Variants in ANKRD30BL observed in about 807,000 individuals in gnomAD.
ANKRD30BL encodes putative ankyrin repeat domain-containing protein 30B-like.
ANKRD30BL carries 20 observed loss-of-function variants against 18.4 expected under a neutral mutation model. That is an observed-to-expected ratio of 1.09 (90% CI 0.77 to 1.58). ANKRD30BL has a LOEUF of 1.58. ANKRD30BL is among the 40% of genes most tolerant of loss of function. The probability of loss-of-function intolerance (pLI) is 0.00; values close to 1 mark genes in which losing one functional copy is unlikely to be tolerated. For synonymous variants in ANKRD30BL, 72 were observed against 100.9 expected, an observed-to-expected ratio of 0.71 and a Z score of 1.72; for missense variants, 224 against 268.6, an observed-to-expected ratio of 0.83 and a Z score of 1.16.
At chr2:132,202,533 A>G (rs1485767924) in intron 1 of ANKRD30BL, among the ~76,000 whole-genome samples, 1 of 151,932 alleles carries the variant, frequency 6.6e-6, no homozygotes, top group Non-Finnish European at 1.5e-5. Context: ...CCTGAATCCA[A>G]TTCAAATTTC....
chr2:132,221,172 C>A (rs1679665335), intron 1 of ANKRD30BL, among the ~76,000 whole-genome samples: 2 of 146,098 alleles, frequency 1.4e-5, no homozygotes, highest in Admixed American at 6.6e-5. Flanking sequence ...CCGGCAGCCA[C>A]CCCATCCGCG....
At chr2:132,166,846 T>A (rs1406742296), upstream of ANKRD30BL, among the ~76,000 whole-genome samples, 4 of 152,080 alleles carry the variant, frequency 2.6e-5, no homozygotes, top group East Asian at 7.7e-4. Flanking sequence ...TTATTTACTT[T>A]GGATTTTCTT....
chr2:132,220,229 C>G lies in ANKRD30BL; in HGVS notation n.441+37300G>C, dbSNP rs898708389. Among the ~76,000 whole-genome samples the G allele has an allele frequency of 3.3e-5, 5 of 152,000 alleles. 1 individual carries two copies. The highest frequency in any genetic ancestry group is 3.3e-4 in the Admixed American group (5 of 15,210). Reference sequence around the variant, plus strand: ...TTCTTTGTGTTGTGTGCATTCAACTCACAGTGTTGAACCTTTCTTTTGACA... The same window carrying G: ...TTCTTTGTGTTGTGTGCATTCAACTGACAGTGTTGAACCTTTCTTTTGACA... On this transcript the variant is annotated intron_variant and non_coding_transcript_variant, in intron 1 of 4. Transcript: ENST00000470729.
chr2:132,177,400 C>T (rs1340898674), intron 1 of ANKRD30BL, among the ~76,000 whole-genome samples: 1 of 152,174 alleles, frequency 6.6e-6, no homozygotes, highest in Non-Finnish European at 1.5e-5. Flanking sequence ...TATCTGCCCA[C>T]CTCGGCCTCC....
intron 1 of ANKRD30BL, among the ~76,000 whole-genome samples, chr2:132,168,923 T>G (rs1688232126): frequency 6.6e-6 from 1 of 150,940 alleles, no homozygotes; most frequent in African/African-American, 2.4e-5. Flanking sequence ...TTGTACAGCA[T>G]AATTAATTAT....
chr2:132,236,483 T>C (rs1680154827), intron 1 of ANKRD30BL, among the ~76,000 whole-genome samples: 1 of 152,040 alleles, frequency 6.6e-6, no homozygotes, highest in Non-Finnish European at 1.5e-5. Context: ...CACATACTTC[T>C]CAAAAGAAGA....
intron 1 of ANKRD30BL, among the ~76,000 whole-genome samples, chr2:132,232,330 A>G: frequency 6.6e-6 from 1 of 152,216 alleles, no homozygotes; most frequent in East Asian, 1.9e-4. Flanking sequence ...ACAAAGCTGG[A>G]TGGAGAATGA....
At chr2:132,205,379 G>T (rs1278718404) in intron 1 of ANKRD30BL, among the ~76,000 whole-genome samples, 1 of 146,578 alleles carries the variant, frequency 6.8e-6, no homozygotes, top group Non-Finnish European at 1.5e-5. Flanking sequence ...GGGAGGCCGA[G>T]GCGGGCGGAT....
intron 1 of ANKRD30BL, among the ~76,000 whole-genome samples, chr2:132,211,583 C>G (rs977829025): frequency 6.6e-5 from 10 of 151,982 alleles, no homozygotes; most frequent in Non-Finnish European, 1.0e-4. Flanking sequence ...AACAACTAGA[C>G]AGACGCATTG....
At chr2:132,222,195 C>A (rs544885861) in intron 1 of ANKRD30BL, among the ~76,000 whole-genome samples, 8,461 of 145,392 alleles carry the variant, frequency 0.058, 802 homozygotes, top group African/African-American at 0.21. Flanking sequence ...GCCAGCCGCC[C>A]CGTCCGGGAG....
intron 1 of ANKRD30BL, among the ~76,000 whole-genome samples, chr2:132,186,269 G>A (rs76490645): frequency 2.6e-5 from 4 of 151,948 alleles, no homozygotes; most frequent in African/African-American, 7.2e-5. Context: ...CATATAAATA[G>A]TACGTAACTA....
At chr2:132,219,537 C>A (rs1332226645) in intron 1 of ANKRD30BL, among the ~76,000 whole-genome samples, 6 of 151,680 alleles carry the variant, frequency 4.0e-5, no homozygotes, top group African/African-American at 1.2e-4. Context: ...TGATGTTTGC[C>A]TTCAACTGAC....
chr2:132,218,118 T>G (rs547801026), intron 1 of ANKRD30BL, among the ~76,000 whole-genome samples: 35 of 152,340 alleles, frequency 2.3e-4, no homozygotes, highest in African/African-American at 8.4e-4. Context: ...CGGGTATATC[T>G]TCACATAAAC....
At chr2:132,234,363 AC>A (rs1680096602) in intron 1 of ANKRD30BL, among the ~76,000 whole-genome samples, 1 of 152,134 alleles carries the variant, frequency 6.6e-6, no homozygotes, top group Non-Finnish European at 1.5e-5. Flanking sequence ...AAATAGAGAC[AC>A]AAAAAACCCT....
chr2:132,199,008 T>C (rs1391459438), intron 1 of ANKRD30BL, among the ~76,000 whole-genome samples: 2 of 152,152 alleles, frequency 1.3e-5, no homozygotes, highest in Non-Finnish European at 2.9e-5. Flanking sequence ...AGTTATAAAA[T>C]TACTTCTGGA....
At chr2:132,151,395 G>A (rs1687752691) in intron 4 of ANKRD30BL, among the ~76,000 whole-genome samples, 1 of 152,052 alleles carries the variant, frequency 6.6e-6, no homozygotes, top group Non-Finnish European at 1.5e-5. Context: ...TTTTAAAAAT[G>A]CTTAAAATAA....
rs890157389 is a variant in ANKRD30BL, at chr2:132,187,255, G to C, written n.442-30109C>G. 1.1e-4 allele frequency among the ~76,000 whole-genome samples: 16 copies of C among 145,258 alleles called. No individual in the cohort carries two copies. In the South Asian group the frequency reaches 1.1e-3, roughly 10 times the overall value. On this transcript the variant is annotated intron_variant and non_coding_transcript_variant, in intron 1 of 4. Transcript: ENST00000470729. Reference sequence around the variant, plus strand: ...GTAGAGCAGGCTGGAGTGGAGTGGCGTGATCTCGGCTTGCTGTAACTTCTG... The same window carrying C: ...GTAGAGCAGGCTGGAGTGGAGTGGCCTGATCTCGGCTTGCTGTAACTTCTG...
chr2:132,165,419 C>G (rs533299531), upstream of ANKRD30BL, among the ~76,000 whole-genome samples: 3 of 151,568 alleles, frequency 2.0e-5, no homozygotes, highest in Non-Finnish European at 2.9e-5. Flanking sequence ...TGCAGCCAGG[C>G]GCGGTGGCTC....
intron 1 of ANKRD30BL, among the ~76,000 whole-genome samples, chr2:132,173,257 C>A (rs1196324812): frequency 1.3e-5 from 2 of 149,978 alleles, no homozygotes; most frequent in Non-Finnish European, 3.0e-5. Flanking sequence ...CTGTGGATAT[C>A]CAGTTTTCCC....
Sources: allele counts gnomAD v4.1 joint callset (sites outside exome capture counted in the v4.1 genomes callset), GRCh38; gene constraint gnomAD v4.1.1; transcripts MANE v1.5; gene names NCBI Gene and HGNC (gene_info 2026-07-23, HGNC 2026-07-21).